Variants in SGTA observed in about 807,000 individuals in gnomAD.
SGTA encodes small glutamine-rich tetratricopeptide repeat-containing protein alpha.
In SGTA, 22 loss-of-function variants were observed where a neutral mutation model predicts 44.3. That is an observed-to-expected ratio of 0.50 (90% CI 0.36 to 0.71). SGTA has a LOEUF of 0.71. SGTA is among the 30% of genes least tolerant of loss of function. The pLI is 0.00. For synonymous variants in SGTA, 174 were observed against 177.6 expected, an observed-to-expected ratio of 0.98 and a Z score of 0.16; for missense variants, 341 against 435.9, an observed-to-expected ratio of 0.78 and a Z score of 1.94.
At chr19:2,780,911 C>T (rs1266548734) in intron 1 of SGTA, among the ~76,000 whole-genome samples, 1 of 152,126 alleles carries the variant, frequency 6.6e-6, no homozygotes, top group African/African-American at 2.4e-5. Flanking sequence ...ACAGTGAAAC[C>T]CCATCTCTAA....
At chr19:2,762,330 T>C (rs371639566) in intron 7 of SGTA, among the ~76,000 whole-genome samples, 176 bp downstream of exon 7, 15 of 152,278 alleles carry the variant, frequency 9.9e-5, no homozygotes, top group African/African-American at 3.6e-4. Context: ...TCTGGGGGCA[T>C]GAACCTTCTC....
chr19:2,774,713 C>A (rs1048832427), intron 1 of SGTA, among the ~76,000 whole-genome samples: 2 of 152,140 alleles, frequency 1.3e-5, no homozygotes, highest in Non-Finnish European at 2.9e-5. Context: ...AACTCCTGGC[C>A]TCAAGCAATC....
In SGTA at chr19:2,767,438, C is replaced by T. The variant is rs1915176682; in HGVS notation, c.207+142G>A. On this transcript the variant is annotated intron_variant, in intron 3 of 11. Transcript: ENST00000221566. This position sits in a 1 kb window ranked among gnomAD's most constrained non-coding sequence, Gnocchi z 7.3. ...ATAGGGGGAGGAGGGCCAAGTGCTC[C>T]TGCAGCCACGTCCCCAGCCCAGGAG... 1.3e-6 allele frequency: 1 copy of T among 786,156 alleles called. No homozygotes were observed. Among genetic ancestry groups the T allele is most frequent in the African/African-American group, 1.7e-5 (1 of 58,476 alleles). The allele number at this position is 786,156 out of a possible 1,614,324, so 48.7% of individuals were successfully genotyped here.
chr19:2,767,533 G>C lies in SGTA; in HGVS notation c.207+47C>G. On this transcript the variant is annotated intron_variant, in intron 3 of 11. Transcript: ENST00000221566. The surrounding 1 kb of genome is among the most constrained non-coding windows in gnomAD (Gnocchi z 7.3). Reference sequence around the variant, plus strand: ...GGGGTCCCCAGGGCTGCCTGCTGTTGCTGTTCTTATTTTGGGGGCAGTGGC... The same window carrying C: ...GGGGTCCCCAGGGCTGCCTGCTGTTCCTGTTCTTATTTTGGGGGCAGTGGC... 6.7e-7 allele frequency: 1 copy of C among 1,492,570 alleles called. No homozygotes were observed. The highest frequency in any genetic ancestry group is 9.3e-7 in the Non-Finnish European group (1 of 1,071,510). 92.5% of individuals were successfully genotyped at this position (1,492,570 alleles called of 1,614,324 possible).
chr19:2,759,171 T>C lies in SGTA; in HGVS notation c.737+86A>G. 3 of 1,216,442 alleles carry C rather than the reference T, an allele frequency of 2.5e-6. No individual in the cohort carries two copies. In the South Asian group the frequency reaches 3.7e-5, roughly 15 times the overall value. 75.4% of individuals were successfully genotyped at this position (1,216,442 alleles called of 1,614,324 possible). A position where few individuals can be genotyped will look rare whatever the true frequency, so the allele number is the denominator to read the frequency against. Reference sequence around the variant, plus strand: ...TGCCATTAAGTTGCACACTTTAAAGTGGTTAGTTTTATGTTAAGTGAATTT... The same window carrying C: ...TGCCATTAAGTTGCACACTTTAAAGCGGTTAGTTTTATGTTAAGTGAATTT... On this transcript the variant is annotated intron_variant, in intron 9 of 11. Transcript: ENST00000221566.
At chr19:2,775,105 C>T (rs972690030) in intron 1 of SGTA, among the ~76,000 whole-genome samples, 4 of 152,224 alleles carry the variant, frequency 2.6e-5, no homozygotes, top group Non-Finnish European at 4.4e-5. Context: ...TGTGGGTGCA[C>T]CAGGCCCTTG....
chr19:2,769,100 G>A lies in SGTA; in HGVS notation c.-23-9C>T. The A allele has an allele frequency of 3.8e-6, 6 of 1,572,214 alleles. No individual in the cohort carries two copies. The highest frequency in any genetic ancestry group is 4.4e-6 in the Non-Finnish European group (5 of 1,142,716). Reference sequence around the variant, plus strand: ...CCCAGAAGAGGTGATACCTGGGGGTGCAGGAAAAACCCCCATCAGGCCCCC... The same window carrying A: ...CCCAGAAGAGGTGATACCTGGGGGTACAGGAAAAACCCCCATCAGGCCCCC... On this transcript the variant is annotated splice_polypyrimidine_tract_variant and intron_variant, in intron 1 of 11. Transcript: ENST00000221566.
chr19:2,765,150 G>C lies in SGTA; in HGVS notation c.392+36C>G, dbSNP rs547039163. 5.2e-6 allele frequency: 8 copies of C among 1,531,248 alleles called. No homozygotes were observed. The highest frequency in any genetic ancestry group is 1.1e-5 in the South Asian group (1 of 89,370). The allele number at this position is 1,531,248 out of a possible 1,614,324, so 94.9% of individuals were successfully genotyped here. ...CATCCCGGAGGACGCCCCCGCACCC[G>C]GCCGCCCCTGCCCTGGGCAGGCCCT... On this transcript the variant is annotated intron_variant, in intron 5 of 11. Transcript: ENST00000221566. The surrounding 1 kb of genome is among the most constrained non-coding windows in gnomAD (Gnocchi z 5.5).
chr19:2,779,723 C>T (rs1422300146), intron 1 of SGTA, among the ~76,000 whole-genome samples: 6 of 152,154 alleles, frequency 3.9e-5, no homozygotes, highest in African/African-American at 9.7e-5. Flanking sequence ...GGCTCTGAGC[C>T]GATGACTCCA....
rs1915100978 is a variant in SGTA at position 2,765,098 on chromosome 19, C to T, written c.392+88G>A. The T allele has an allele frequency of 2.3e-6, 2 of 877,320 alleles. No individual in the cohort carries two copies. Among genetic ancestry groups the T allele is most frequent in the Non-Finnish European group, 3.8e-6 (2 of 524,130 alleles). The allele number at this position is 877,320 out of a possible 1,614,324, so 54.3% of individuals were successfully genotyped here. Reference sequence around the variant, plus strand: ...GGATCCCTCATCTACAGCGCAGAGGCCTCTCCCATCTCAGGTCCCTGCTAA... The same window carrying T: ...GGATCCCTCATCTACAGCGCAGAGGTCTCTCCCATCTCAGGTCCCTGCTAA... On this transcript the variant is annotated intron_variant, in intron 5 of 11. Transcript: ENST00000221566. The surrounding 1 kb of genome is among the most constrained non-coding windows in gnomAD (Gnocchi z 5.5).
intron 1 of SGTA, among the ~76,000 whole-genome samples, chr19:2,777,278 G>T (rs371024232): frequency 3.3e-5 from 5 of 151,584 alleles, no homozygotes; most frequent in Admixed American, 6.6e-5. Context: ...ACCAGGCGCA[G>T]TGGCTCACAC....
chr19:2,778,329 T>C (rs920390294), intron 1 of SGTA, among the ~76,000 whole-genome samples: 2 of 152,130 alleles, frequency 1.3e-5, no homozygotes, highest in African/African-American at 4.8e-5. Flanking sequence ...CCTTCTCTCT[T>C]AAACTGAGGT....
rs771121867 is a variant in SGTA, at chr19:2,763,216, C to T, written c.497+437G>A. Among the ~76,000 whole-genome samples, 17 of 152,162 alleles carry T rather than the reference C, an allele frequency of 1.1e-4. No individual in the cohort carries two copies. Among genetic ancestry groups the T allele is most frequent in the Non-Finnish European group, 1.5e-4 (10 of 68,020 alleles). On this transcript the variant is annotated intron_variant, in intron 6 of 11. Coordinates refer to ENST00000221566, the MANE Select transcript of SGTA (RefSeq NM_003021.4). The surrounding 1 kb of genome is among the most constrained non-coding windows in gnomAD (Gnocchi z 5.8). Reference sequence around the variant, plus strand: ...GAGCAAGGGCATTCAGAGAAGCAGGCGAATGCACGCTTATGCTGGGAGGGC... The same window carrying T: ...GAGCAAGGGCATTCAGAGAAGCAGGTGAATGCACGCTTATGCTGGGAGGGC...
In SGTA at chr19:2,769,409, C is replaced by T. The variant is rs1194642881; in HGVS notation, c.-23-318G>A. Among the ~76,000 whole-genome samples the T allele has an allele frequency of 2.6e-5, 4 of 152,280 alleles. No homozygotes were observed. In the South Asian group the frequency reaches 6.2e-4, roughly 24 times the overall value. On this transcript the variant is annotated intron_variant, in intron 1 of 11. Coordinates refer to ENST00000221566, the MANE Select transcript of SGTA (RefSeq NM_003021.4). ...ACTGAGGCGCCACGGAGGTCCCCTC[C>T]GCCCCTGCTTCTGGCATGAGGTGGG...
At chr19:2,757,544 C>T in intron 10 of SGTA, 87 bp from the exon 11 acceptor site, 1 of 1,536,584 alleles carries the variant, frequency 6.5e-7, no homozygotes, top group South Asian at 1.2e-5. Context: ...TCGGGCCCTC[C>T]ACCCCAAAGA....
intron 11 of SGTA, among the ~76,000 whole-genome samples, chr19:2,756,255 A>T (rs546475558): frequency 2.0e-4 from 31 of 152,248 alleles, no homozygotes; most frequent in African/African-American, 7.2e-4. Flanking sequence ...TTAAAAAAAA[A>T]AGGGAAGACT....
Position 2,769,069 on chromosome 19 carries a change from C to A in SGTA, c.-1G>T. The A allele has an allele frequency of 6.2e-7, 1 of 1,613,642 alleles. No individual in the cohort carries two copies. The highest frequency in any genetic ancestry group is 8.5e-7 in the Non-Finnish European group (1 of 1,179,718). On this transcript the variant is annotated 5_prime_UTR_variant, in exon 2 of 12. Transcript: ENST00000221566. ...AGGCCAGGCGCTTCTTGTTGTCCAT[C>A]TTGAGCCCAGAAGAGGTGATACCTG...
intron 1 of SGTA, among the ~76,000 whole-genome samples, chr19:2,776,939 G>T (rs1410191213): frequency 6.6e-6 from 1 of 151,726 alleles, no homozygotes; most frequent in Non-Finnish European, 1.5e-5. Context: ...CTCCAGCCTG[G>T]GTGGCAGAGC....
intron 1 of SGTA, chr19:2,770,101 C>A (rs1915263743): frequency 1.3e-5 from 1 of 79,948 alleles, no homozygotes; most frequent in Admixed American, 1.3e-4. Flanking sequence ...CTCGGACACC[C>A]TCCTGGTTCC....
Sources: gnomAD v4.1 joint callset for allele counts (sites outside exome capture counted in the v4.1 genomes callset) on GRCh38, gnomAD v4.1.1 for gene constraint, Gnocchi (gnomAD v3.1) non-coding constraint, MANE v1.5 for transcripts, NCBI Gene and HGNC (gene_info 2026-07-23, HGNC 2026-07-21) for gene names.